The following RBM6 variants were observed in gnomAD, a reference collection of about 807,000 sequenced individuals.
RBM6 encodes the protein RNA-binding protein 6.
Under a neutral mutation model 140.4 loss-of-function variants are expected in RBM6, and 23 were observed. The observed-to-expected ratio is 0.16, with a 90% CI of 0.12 to 0.23. RBM6 has a LOEUF of 0.23. Ranked by LOEUF, RBM6 falls within the 10% of genes least tolerant of loss-of-function variation. The pLI, the probability that RBM6 is intolerant of heterozygous loss-of-function variation, is 1.00. For missense variants in RBM6, 1,139 were observed against 1,386.7 expected (o/e 0.82, Z 2.84); for synonymous variants, 439 against 475.6 (o/e 0.92, Z 1.00).
rs2084818133 is a variant in RBM6 at position 49,972,072 on chromosome 3, G to C, written c.1337G>C (p.Arg446Thr). The C allele has an allele frequency of 1.9e-6, 3 of 1,610,772 alleles. No homozygotes were observed. Among genetic ancestry groups the C allele is most frequent in the Non-Finnish European group, 1.7e-6 (2 of 1,177,396 alleles). Residue 446 changes from arginine (R) to threonine (T), a missense_variant, in exon 4 of 21, where the codon AGG becomes ACG. Around this residue, in one of 9 missense-constraint regions of RBM6, gnomAD observed 566 missense variants for 612.7 expected, o/e 0.92. Transcript: ENST00000266022. ...AQRDLQDQDY[R>T]TGPSEEKPSR... The stretch of plus-strand genomic sequence containing the variant: ...TCTCAATTTAAGGATCAAGATTATA[G>C]GACCGGCCCAAGTGAGGAGAAACCC...
At chr3:50,056,854 G>A (rs1482920761) in intron 8 of RBM6, among the ~76,000 whole-genome samples, 1 of 152,160 alleles carries the variant, frequency 6.6e-6, no homozygotes, top group Non-Finnish European at 1.5e-5. Context: ...TTTGAAGGAC[G>A]TCTGCCCATT....
intron 6 of RBM6, among the ~76,000 whole-genome samples, chr3:50,029,660 G>C (rs2088034349): frequency 6.6e-6 from 1 of 152,140 alleles, no homozygotes; most frequent in African/African-American, 2.4e-5. Context: ...TTGAACCCAG[G>C]AGGCAGAGGT....
At chr3:50,027,113 T>C (rs1473145613) in intron 6 of RBM6, among the ~76,000 whole-genome samples, 1 of 151,974 alleles carries the variant, frequency 6.6e-6, no homozygotes, top group East Asian at 1.9e-4. Context: ...AATTGGGATG[T>C]GATAAGGAGG....
chr3:49,980,019 T>A (rs1479321855), intron 5 of RBM6, among the ~76,000 whole-genome samples: 6 of 151,860 alleles, frequency 4.0e-5, no homozygotes, highest in African/African-American at 1.2e-4. Flanking sequence ...TTTTTTTTTT[T>A]AAACGGAGTC....
rs752396203 is a variant in RBM6 at position 49,972,111 on chromosome 3, G to A, written c.1376G>A (p.Arg459Gln). 1.9e-6 allele frequency: 3 copies of A among 1,613,316 alleles called. No homozygotes were observed. Among genetic ancestry groups the A allele is most frequent in the South Asian group, 1.1e-5 (1 of 91,028 alleles). Reference protein sequence around the residue: ...PSEEKPSRLIRLSGVPEDATK... With the variant: ...PSEEKPSRLIQLSGVPEDATK... ...GAGGAGAAACCCAGCAGGCTTATTC[G>A]ATTAAGTGGGGTACCTGAAGATGCC... The change falls in exon 4 of 21, where the codon CGA (arginine) becomes CAA (glutamine). Residue 459 changes from arginine (R) to glutamine (Q), a missense_variant. Arg to Gln is a conservative substitution (Grantham distance 43, BLOSUM62 1). This residue lies in a region of RBM6 where 566 missense variants were observed against 612.7 expected (regional missense o/e 0.92). Coordinates refer to ENST00000266022, the MANE Select transcript of RBM6 (RefSeq NM_005777.3).
chr3:50,072,574 AT>A (rs745957628), intron 19 of RBM6, among the ~76,000 whole-genome samples: 6 of 152,100 alleles, frequency 3.9e-5, no homozygotes, highest in Non-Finnish European at 8.8e-5. Context: ...TAAGAGAAGT[AT>A]TTTTGTATCA....
intron 5 of RBM6, among the ~76,000 whole-genome samples, chr3:49,985,681 A>G (rs544327761): frequency 2.0e-5 from 3 of 152,014 alleles, no homozygotes; most frequent in Middle Eastern, 3.4e-3. Context: ...ATCTCAGCTC[A>G]CTGCAACCTC....
intron 6 of RBM6, among the ~76,000 whole-genome samples, chr3:50,012,891 C>T (rs1449246019): frequency 2.0e-5 from 3 of 151,156 alleles, no homozygotes; most frequent in South Asian, 2.1e-4. Context: ...TACAGCCATG[C>T]GCCACCACGC....
intron 1 of RBM6, among the ~76,000 whole-genome samples, chr3:49,942,808 C>G (rs1261899049): frequency 6.6e-6 from 1 of 152,086 alleles, no homozygotes. Flanking sequence ...TTGCAGTGAG[C>G]TGAGGTCATG....
chr3:49,950,795 T>C (rs2083697861), intron 1 of RBM6, among the ~76,000 whole-genome samples: 1 of 150,710 alleles, frequency 6.6e-6, no homozygotes, highest in African/African-American at 2.4e-5. Context: ...ACATTAAAAA[T>C]AGAATTACCA....
intron 1 of RBM6, among the ~76,000 whole-genome samples, chr3:49,958,328 G>T (rs1352094885): frequency 3.3e-5 from 5 of 152,080 alleles, no homozygotes; most frequent in Admixed American, 3.3e-4. Flanking sequence ...GGCTGAGGTG[G>T]GTGGATCACG....
intron 2 of RBM6, among the ~76,000 whole-genome samples, chr3:49,965,657 G>T (rs1157144041): frequency 6.7e-6 from 1 of 150,330 alleles, no homozygotes; most frequent in African/African-American, 2.4e-5. Flanking sequence ...GCGACAGAGC[G>T]AGACTCCGTC....
At chr3:49,940,524 G>C (rs1028569717) in intron 1 of RBM6, 7 of 155,200 alleles carry the variant, frequency 4.5e-5, no homozygotes, top group African/African-American at 1.7e-4. Flanking sequence ...CGTGGTTGCG[G>C]CTCTGTGCTC....
At chr3:49,950,221 C>T (rs2083674916) in intron 1 of RBM6, among the ~76,000 whole-genome samples, 1 of 152,010 alleles carries the variant, frequency 6.6e-6, no homozygotes, top group Non-Finnish European at 1.5e-5. Flanking sequence ...CTGTGTAGCC[C>T]ACAACATTTA....
intron 6 of RBM6, among the ~76,000 whole-genome samples, chr3:50,022,817 G>A (rs973250472): frequency 6.6e-6 from 1 of 152,094 alleles, no homozygotes; most frequent in Non-Finnish European, 1.5e-5. Flanking sequence ...GGAGTTTGGG[G>A]GCTGGGCGCA....
At chr3:50,021,740 CTTTTTTTTTTTTT>C (rs542734328) in intron 6 of RBM6, among the ~76,000 whole-genome samples, 375 of 42,736 alleles carry the variant, frequency 8.8e-3, no homozygotes, top group African/African-American at 0.031. Context: ...AATTTAAGTG[CTTTTTTTTTTTTT>C]TTTTTTTTTT....
chr3:50,072,527 G>T (rs981267200), intron 19 of RBM6, among the ~76,000 whole-genome samples: 1 of 152,098 alleles, frequency 6.6e-6, no homozygotes, highest in Non-Finnish European at 1.5e-5. Context: ...CAGGTTTTGG[G>T]GCTCTGGCAT....
At chr3:49,955,168 T>TTTTC (rs2083922631) in intron 1 of RBM6, among the ~76,000 whole-genome samples, 2 of 112,582 alleles carry the variant, frequency 1.8e-5, no homozygotes, top group Non-Finnish European at 3.7e-5. Flanking sequence ...TTCTTTTTTT[T>TTTTC]TTTTTTTTTT....
At chr3:50,029,849 C>T (rs1254067668) in intron 6 of RBM6, among the ~76,000 whole-genome samples, 2 of 151,518 alleles carry the variant, frequency 1.3e-5, no homozygotes, top group Non-Finnish European at 2.9e-5. Flanking sequence ...ATAGTAAAAC[C>T]TCATCGCTAT....
Sources: allele counts gnomAD v4.1 joint callset (sites outside exome capture counted in the v4.1 genomes callset), GRCh38; gene constraint gnomAD v4.1.1; regional missense constraint gnomAD v4.1.1; transcripts MANE v1.5; gene names NCBI Gene and HGNC (gene_info 2026-07-23, HGNC 2026-07-21).